TLR6: variants seen among roughly 807,000 people sequenced by gnomAD.
TLR6 encodes toll-like receptor 6.
In TLR6, 9 loss-of-function variants were observed where a neutral mutation model predicts 16.1. The ratio of observed to expected loss-of-function variants is 0.56; its 90% CI spans 0.34 to 0.98. TLR6 has a LOEUF of 0.98. Among genes scored for constraint, TLR6 ranks in the 50% least tolerant of loss-of-function variants. TLR6 has a pLI of 0.02. For synonymous variants in TLR6, 340 were observed against 338.6 expected (o/e 1.00, Z -0.04); for missense variants, 786 against 921.0 (o/e 0.85, Z 1.90).
At chr4:38,841,836 C>T (rs1399703419) in intron 1 of TLR6, among the ~76,000 whole-genome samples, 1 of 152,114 alleles carries the variant, frequency 6.6e-6, no homozygotes, top group African/African-American at 2.4e-5. Context: ...TGCAACTGTC[C>T]TTAGCATATC....
In TLR6 at chr4:38,848,974, T is replaced by C. The variant is rs143735981; in HGVS notation, c.-65+7787A>G. Among the ~76,000 whole-genome samples the C allele has an allele frequency of 6.1e-3, 924 of 152,168 alleles. 12 individuals are homozygous for C. Among genetic ancestry groups the C allele is most frequent in the African/African-American group, 0.021 (855 of 41,488 alleles). The stretch of plus-strand genomic sequence containing the variant: ...AGAAGAGCAACTCCAAGACACATAA[T>C]TGTCAGATTCGCCAAAGTTGAATGA... On this transcript the variant is annotated intron_variant, in intron 1 of 1. Coordinates refer to ENST00000436693, the Ensembl canonical transcript of TLR6.
upstream of TLR6, among the ~76,000 whole-genome samples, chr4:38,858,262 TC>T (rs1713069208): frequency 6.6e-6 from 1 of 152,190 alleles, no homozygotes; most frequent in Admixed American, 6.5e-5. Flanking sequence ...CATTTATTCA[TC>T]CACAAAATGG....
chr4:38,842,922 G>A (rs1712351703), intron 1 of TLR6, among the ~76,000 whole-genome samples: 1 of 151,846 alleles, frequency 6.6e-6, no homozygotes, highest in African/African-American at 2.4e-5. Context: ...CATTACAATG[G>A]GTATTTTTCC....
intron 1 of TLR6, among the ~76,000 whole-genome samples, chr4:38,835,067 T>A (rs1027102046): frequency 2.0e-5 from 3 of 152,122 alleles, no homozygotes; most frequent in African/African-American, 7.2e-5. Flanking sequence ...ACAAAGGATA[T>A]ACAAAACAAC....
chr4:38,837,833 T>G (rs1189253656), intron 1 of TLR6, among the ~76,000 whole-genome samples: 2 of 152,114 alleles, frequency 1.3e-5, no homozygotes, highest in African/African-American at 4.8e-5. Context: ...GCGAAAATAT[T>G]TGCAAACTAT....
upstream of TLR6, among the ~76,000 whole-genome samples, chr4:38,861,572 A>G (rs73236644): frequency 0.16 from 24,467 of 152,046 alleles, 2,308 homozygotes; most frequent in Middle Eastern, 0.38. Flanking sequence ...CCAGCTCTCC[A>G]CTGGACTACA....
At chr4:38,840,657 C>G (rs1371577757) in intron 1 of TLR6, among the ~76,000 whole-genome samples, 1 of 150,166 alleles carries the variant, frequency 6.7e-6, no homozygotes, top group African/African-American at 2.5e-5. Flanking sequence ...AAAGAAGACA[C>G]ACAATGCTGT....
At chr4:38,845,972 G>C (rs1379046373) in intron 1 of TLR6, among the ~76,000 whole-genome samples, 1 of 151,634 alleles carries the variant, frequency 6.6e-6, no homozygotes, top group Admixed American at 6.6e-5. Context: ...GGTGCCTGCA[G>C]TCCCAGCTAT....
the TLR6 span, among the ~76,000 whole-genome samples, chr4:38,862,590 ATTTTTTTTT>A: frequency 2.7e-5 from 2 of 73,718 alleles, no homozygotes; most frequent in African/African-American, 6.2e-5. Flanking sequence ...CCCAATCACC[ATTTTTTTTT>A]TTTTTTTTTT....
chr4:38,859,663 C>T (rs978616663), upstream of TLR6, among the ~76,000 whole-genome samples: 3 of 150,882 alleles, frequency 2.0e-5, no homozygotes, highest in African/African-American at 7.3e-5. Flanking sequence ...TTTCCCCACT[C>T]AGGCGATTCT....
intron 1 of TLR6, among the ~76,000 whole-genome samples, chr4:38,834,781 T>C (rs1431728404): frequency 6.6e-6 from 1 of 152,194 alleles, no homozygotes; most frequent in East Asian, 1.9e-4. Context: ...AAGAAGACTA[T>C]ACCCATCAAA....
At chr4:38,852,218 C>G (rs1013001144) in intron 1 of TLR6, among the ~76,000 whole-genome samples, 3 of 152,166 alleles carry the variant, frequency 2.0e-5, no homozygotes, top group Non-Finnish European at 4.4e-5. Context: ...ACACCTTATA[C>G]AAACATTAAT....
At chr4:38,828,586 A>G (rs747591856) in exon 2 of TLR6, 6 of 1,613,924 alleles carry the variant, frequency 3.7e-6, no homozygotes, top group South Asian at 3.3e-5. Context: ...AATAAGTAAA[A>G]TCTTCTTCAC....
exon 2 of TLR6, chr4:38,829,124 C>G: frequency 6.2e-7 from 1 of 1,614,030 alleles, no homozygotes; most frequent in African/African-American, 1.3e-5. Flanking sequence ...AATAGGATGG[C>G]AGGATATCTT....
At chr4:38,829,220 T>C (rs1727708113) in exon 2 of TLR6, 4 of 1,614,196 alleles carry the variant, frequency 2.5e-6, no homozygotes, top group Non-Finnish European at 2.5e-6. Context: ...GATTCTGTTA[T>C]GGGAAAGTCT....
intron 1 of TLR6, among the ~76,000 whole-genome samples, chr4:38,835,958 A>T (rs1420433798): frequency 2.0e-5 from 3 of 152,168 alleles, no homozygotes; most frequent in African/African-American, 7.2e-5. Flanking sequence ...AAAGCCTAGG[A>T]GACACAGCAA....
intron 1 of TLR6, among the ~76,000 whole-genome samples, chr4:38,837,787 C>T (rs148674857): frequency 3.5e-4 from 54 of 152,248 alleles, no homozygotes; most frequent in African/African-American, 1.2e-3. Context: ...GCACAGGAAA[C>T]AATCAACAGG....
At chr4:38,852,823 T>C (rs1046118153) in intron 1 of TLR6, among the ~76,000 whole-genome samples, 5 of 152,252 alleles carry the variant, frequency 3.3e-5, no homozygotes, top group South Asian at 4.1e-4. Context: ...GACAGTGTGG[T>C]GATTCCTCAG....
At chr4:38,844,891 TAAAC>T (rs1360409653) in intron 1 of TLR6, among the ~76,000 whole-genome samples, 4 of 151,942 alleles carry the variant, frequency 2.6e-5, no homozygotes, top group Non-Finnish European at 5.9e-5. Flanking sequence ...CTGTCTCTAC[TAAAC>T]AAACAAAAAA....
Sources: gnomAD v4.1 joint callset for allele counts (sites outside exome capture counted in the v4.1 genomes callset) on GRCh38, gnomAD v4.1.1 for gene constraint, MANE v1.5 for transcripts, NCBI Gene and HGNC (gene_info 2026-07-23, HGNC 2026-07-21) for gene names.